NKAIN3: variants seen among roughly 807,000 people sequenced by gnomAD.
NKAIN3 encodes the protein sodium/potassium transporting ATPase interacting 3.
A neutral mutation model predicts 30.2 loss-of-function variants in NKAIN3; 25 were observed. That is an observed-to-expected ratio of 0.83 (90% CI 0.60 to 1.16). NKAIN3 has a LOEUF of 1.16. Ranked by LOEUF, NKAIN3 falls within the 50% of genes most tolerant of loss-of-function variation. The pLI is 0.00. For synonymous variants in NKAIN3, 91 were observed against 89.6 expected (o/e 1.02, Z -0.09); for missense variants, 225 against 254.1 (o/e 0.89, Z 0.78).
At chr8:62,718,919 C>A (rs112811105) in intron 3 of NKAIN3, among the ~76,000 whole-genome samples, 4 of 152,064 alleles carry the variant, frequency 2.6e-5, no homozygotes, top group Non-Finnish European at 4.4e-5. Context: ...TTATTACCTG[C>A]TCATTATATA....
At chr8:62,606,145 T>C (rs1166220578) in intron 3 of NKAIN3, among the ~76,000 whole-genome samples, 1 of 152,100 alleles carries the variant, frequency 6.6e-6, no homozygotes, top group Non-Finnish European at 1.5e-5. Flanking sequence ...CAGATTGTCC[T>C]TTGGCAAGCA....
chr8:62,762,615 G>C (rs1159375991), intron 4 of NKAIN3, among the ~76,000 whole-genome samples: 1 of 152,156 alleles, frequency 6.6e-6, no homozygotes, highest in Non-Finnish European at 1.5e-5. Context: ...AGAGAACAAG[G>C]CTATCACAGT....
rs1422289253 is a variant in NKAIN3, at chr8:62,979,754, T to C, written c.*14347T>C. 1 of 152,254 alleles carries C rather than the reference T, an allele frequency of 6.6e-6. No individual in the cohort carries two copies. Among genetic ancestry groups the C allele is most frequent in the East Asian group, 1.9e-4 (1 of 5,198 alleles). 9.4% of individuals were successfully genotyped at this position (152,254 alleles called of 1,614,324 possible). On this transcript the variant is annotated 3_prime_UTR_variant, in exon 7 of 7. Transcript: ENST00000623646. ...AGTCTAGTCTTCTTTCCTCTGCACT[T>C]GGTGGCCATCAGCTGTAACAAGTCC... is the stretch of plus-strand genomic sequence containing the variant.
In NKAIN3 at chr8:62,589,875, T is replaced by TTGTGTGTGTG. The variant is rs35791396; in HGVS notation, c.273+113_273+122dup. On this transcript the variant is annotated intron_variant, in intron 3 of 6. Coordinates refer to ENST00000623646, the MANE Select transcript of NKAIN3 (RefSeq NM_001304533.3). The stretch of plus-strand genomic sequence containing the variant: ...GTGACTACATACATATATAGGTATA[T>TTGTGTGTGTG]TGTGTGTGTGTGTGTGTGTGTGTGT... The TTGTGTGTGTG allele has an allele frequency of 3.2e-3, 1,374 of 429,828 alleles. 5 individuals carry two copies. Among genetic ancestry groups the TTGTGTGTGTG allele is most frequent in the East Asian group, 0.023 (611 of 26,164 alleles). 26.6% of individuals were successfully genotyped at this position (429,828 alleles called of 1,614,324 possible).
intron 4 of NKAIN3, among the ~76,000 whole-genome samples, chr8:62,806,646 T>A (rs761709491): frequency 6.6e-6 from 1 of 151,976 alleles, no homozygotes; most frequent in East Asian, 1.9e-4. Flanking sequence ...ACACTCTGGG[T>A]ACTGTTGTGG....
chr8:62,322,867 G>A (rs1814983851), intron 1 of NKAIN3, among the ~76,000 whole-genome samples: 1 of 152,146 alleles, frequency 6.6e-6, no homozygotes, highest in Admixed American at 6.5e-5. Flanking sequence ...ATGTGAACAG[G>A]TTTCTCACCA....
intron 1 of NKAIN3, among the ~76,000 whole-genome samples, chr8:62,513,099 A>G (rs1807864062): frequency 6.6e-6 from 1 of 152,114 alleles, no homozygotes. Context: ...AGTTAACCTC[A>G]TATATATTTC....
At chr8:62,438,093 C>T (rs1161553361) in intron 1 of NKAIN3, among the ~76,000 whole-genome samples, 3 of 152,174 alleles carry the variant, frequency 2.0e-5, no homozygotes, top group East Asian at 1.9e-4. Flanking sequence ...ATGAGCAATG[C>T]GCAGAGCGGG....
intron 1 of NKAIN3, among the ~76,000 whole-genome samples, chr8:62,287,357 T>G (rs2129399136): frequency 6.6e-6 from 1 of 152,142 alleles, no homozygotes; most frequent in South Asian, 2.1e-4. Context: ...TACGCTGACC[T>G]CACATCCTGG....
intron 1 of NKAIN3, 52 bp downstream of exon 1, chr8:62,249,179 G>C: frequency 6.9e-7 from 1 of 1,442,016 alleles, no homozygotes. Flanking sequence ...TCCAGGACCG[G>C]CCTCTGCGAC....
At chr8:62,638,352 C>T (rs549576567) in intron 3 of NKAIN3, among the ~76,000 whole-genome samples, 42 of 152,100 alleles carry the variant, frequency 2.8e-4, no homozygotes, top group Admixed American at 5.9e-4. Context: ...CTGAGAAGTA[C>T]ATTCTACATA....
At chr8:62,678,363 T>A (rs542697240) in intron 3 of NKAIN3, among the ~76,000 whole-genome samples, 42 of 152,290 alleles carry the variant, frequency 2.8e-4, no homozygotes, top group Middle Eastern at 3.4e-3. Context: ...TAGACATTTT[T>A]AAAAAACTGT....
chr8:62,515,249 A>G (rs1429067684), intron 1 of NKAIN3, among the ~76,000 whole-genome samples: 1 of 152,150 alleles, frequency 6.6e-6, no homozygotes, highest in African/African-American at 2.4e-5. Context: ...TTCTACATGT[A>G]TTGTTTTAAA....
intron 3 of NKAIN3, among the ~76,000 whole-genome samples, chr8:62,741,116 C>A (rs1815854517): frequency 6.6e-6 from 1 of 151,352 alleles, no homozygotes; most frequent in South Asian, 2.1e-4. Flanking sequence ...CTTGGAATTG[C>A]ATTTTGTAAG....
intron 4 of NKAIN3, among the ~76,000 whole-genome samples, chr8:62,894,254 A>G (rs1029748049): frequency 6.6e-6 from 1 of 152,208 alleles, no homozygotes; most frequent in South Asian, 2.1e-4. Context: ...GCTAATTTCC[A>G]TTCATGTACA....
At chr8:62,479,684 AGAG>A (rs1027917071) in intron 1 of NKAIN3, among the ~76,000 whole-genome samples, 1 of 152,170 alleles carries the variant, frequency 6.6e-6, no homozygotes, top group African/African-American at 2.4e-5. Flanking sequence ...CAAAGGTCAG[AGAG>A]GAGAAAAAAG....
chr8:62,836,595 G>T (rs1819371358), intron 4 of NKAIN3, among the ~76,000 whole-genome samples: 1 of 152,120 alleles, frequency 6.6e-6, no homozygotes, highest in Non-Finnish European at 1.5e-5. Context: ...AGACAAAGCA[G>T]TAGCTCCTCT....
chr8:62,574,668 G>A (rs1265511197), intron 1 of NKAIN3, among the ~76,000 whole-genome samples: 1 of 152,150 alleles, frequency 6.6e-6, no homozygotes, highest in African/African-American at 2.4e-5. Context: ...CACCAACAGT[G>A]TACAGGGTTT....
At chr8:62,585,779 G>A (rs901511097) in intron 2 of NKAIN3, among the ~76,000 whole-genome samples, 2 of 152,122 alleles carry the variant, frequency 1.3e-5, no homozygotes, top group African/African-American at 2.4e-5. Flanking sequence ...TGGGCCTTAT[G>A]TGCTTCTTTG....
Sources: gnomAD v4.1 joint callset for allele counts (sites outside exome capture counted in the v4.1 genomes callset) on GRCh38, gnomAD v4.1.1 for gene constraint, MANE v1.5 for transcripts, NCBI Gene and HGNC (gene_info 2026-07-23, HGNC 2026-07-21) for gene names.